MPRIP: variants seen among roughly 807,000 people sequenced by gnomAD.
MPRIP encodes the protein myosin phosphatase Rho-interacting protein.
A neutral mutation model predicts 234.9 loss-of-function variants in MPRIP; 59 were observed. The observed-to-expected ratio is 0.25, with a 90% CI of 0.20 to 0.31. MPRIP has a LOEUF of 0.31. Ranked by LOEUF, MPRIP falls within the 10% of genes least tolerant of loss-of-function variation. The pLI, the probability that MPRIP is intolerant of heterozygous loss-of-function variation, is 1.00. For missense variants in MPRIP, 2,436 were observed against 3,071.0 expected, an observed-to-expected ratio of 0.79 and a Z score of 4.89; for synonymous variants, 1,144 against 1,263.9, an observed-to-expected ratio of 0.91 and a Z score of 2.01.
chr17:17,102,922 C>G (rs969009267), intron 3 of MPRIP, among the ~76,000 whole-genome samples: 5 of 152,234 alleles, frequency 3.3e-5, no homozygotes, highest in Non-Finnish European at 5.9e-5. Flanking sequence ...GGGTGGACCT[C>G]TGTTTGTCCC....
At chr17:17,050,838 C>A (rs568552224) in intron 1 of MPRIP, among the ~76,000 whole-genome samples, 2 of 152,278 alleles carry the variant, frequency 1.3e-5, no homozygotes, top group African/African-American at 2.4e-5. Context: ...CGGTGAGGGC[C>A]GTGGTGGGCA....
intron 23 of MPRIP, among the ~76,000 whole-genome samples, chr17:17,184,162 A>T (rs2046428147): frequency 6.6e-6 from 1 of 152,274 alleles, no homozygotes; most frequent in Non-Finnish European, 1.5e-5. Context: ...GATCTCATTC[A>T]TCTCTGGACA....
At chr17:17,107,023 A>G (rs2090075756) in intron 3 of MPRIP, among the ~76,000 whole-genome samples, 1 of 152,230 alleles carries the variant, frequency 6.6e-6, no homozygotes. Flanking sequence ...GAAGCAGAAA[A>G]TAAGCCAAAG....
At chr17:17,089,774 C>T (rs868606769) in intron 3 of MPRIP, among the ~76,000 whole-genome samples, 3 of 152,150 alleles carry the variant, frequency 2.0e-5, no homozygotes, top group East Asian at 1.9e-4. Context: ...CAGCATCACC[C>T]CACTTCCAGA....
intron 9 of MPRIP, among the ~76,000 whole-genome samples, chr17:17,144,441 G>T (rs940501582): frequency 6.6e-6 from 1 of 152,194 alleles, no homozygotes; most frequent in Admixed American, 6.5e-5. Flanking sequence ...AGCTGGGAGC[G>T]CCTTCCCCAA....
intron 16 of MPRIP, chr17:17,168,929 G>A (rs1305082225): frequency 2.4e-5 from 11 of 456,868 alleles, no homozygotes; most frequent in East Asian, 2.1e-4. Context: ...CCACTGTCTA[G>A]CAGGACACCT....
intron 15 of MPRIP, among the ~76,000 whole-genome samples, chr17:17,161,786 C>T (rs2045876748): frequency 6.6e-6 from 1 of 152,198 alleles, no homozygotes; most frequent in Admixed American, 6.5e-5. Context: ...TTACAACCAA[C>T]AGCAAGTCAG....
chr17:17,054,364 C>T (rs898536393), intron 1 of MPRIP, among the ~76,000 whole-genome samples: 3 of 152,210 alleles, frequency 2.0e-5, no homozygotes, highest in Middle Eastern at 3.2e-3. Flanking sequence ...GTGTGATTAT[C>T]GTAGACTTGA....
In MPRIP at chr17:17,165,307, G is replaced by A; in HGVS notation, c.3716G>A (p.Arg1239Lys). ...CGGAGTACCCCTGAAGAGACAGAAAGGGATGGCACTTTGCTCCCAGGCCAA... is the reference window on the plus strand; with the variant it reads ...CGGAGTACCCCTGAAGAGACAGAAAAGGATGGCACTTTGCTCCCAGGCCAA... The part of the protein sequence containing the change: ...EPRSTPEETE[R>K]DGTLLPGQPV... The change falls in exon 16 of 24, where the codon AGG (arginine) becomes AAG (lysine). Residue 1239 changes from arginine to lysine, a missense_variant. Arg to Lys is a conservative substitution (Grantham distance 26, BLOSUM62 2). Coordinates refer to ENST00000651222, the MANE Select transcript of MPRIP (RefSeq NM_001364716.4). 7.7e-7 allele frequency: 1 copy of A among 1,304,070 alleles called. No homozygotes were observed. The highest frequency in any genetic ancestry group is 1.0e-6 in the Non-Finnish European group (1 of 988,974). The allele number at this position is 1,304,070 out of a possible 1,614,324, so 80.8% of individuals were successfully genotyped here.
chr17:17,062,276 C>G (rs990703589), intron 1 of MPRIP, among the ~76,000 whole-genome samples: 1 of 152,150 alleles, frequency 6.6e-6, no homozygotes, highest in African/African-American at 2.4e-5. Flanking sequence ...ATCAGAAGTC[C>G]TGCGTGCTCG....
intron 1 of MPRIP, among the ~76,000 whole-genome samples, chr17:17,047,306 G>A (rs887283768): frequency 4.6e-5 from 7 of 152,266 alleles, no homozygotes; most frequent in African/African-American, 1.7e-4. Context: ...TGCTTGCCAC[G>A]TATTGCAGGT....
chr17:17,175,257 G>C (rs530610733), intron 19 of MPRIP, 36 bp from the exon 20 acceptor site: 1 of 1,612,246 alleles, frequency 6.2e-7, no homozygotes, highest in South Asian at 1.1e-5. Flanking sequence ...GCCCCAGGCA[G>C]CTCTGGAGTG....
At chr17:17,180,656 G>A (rs199738591) in intron 23 of MPRIP, 27 of 1,613,738 alleles carry the variant, frequency 1.7e-5, no homozygotes, top group East Asian at 1.3e-4. Flanking sequence ...CCCGCTTCCC[G>A]GCCCATGCAG....
intron 3 of MPRIP, among the ~76,000 whole-genome samples, chr17:17,115,774 A>G (rs1567724967): frequency 6.6e-6 from 1 of 151,688 alleles, no homozygotes; most frequent in Non-Finnish European, 1.5e-5. Context: ...CAACTTTACC[A>G]TCTGCTGGTT....
In MPRIP at chr17:17,158,571, C is replaced by T. The variant is rs369010833; in HGVS notation, c.1969C>T (p.Arg657Cys). 11 of 1,610,338 alleles carry T rather than the reference C, an allele frequency of 6.8e-6. No homozygotes were observed. In the Admixed American group the frequency reaches 8.4e-5, roughly 12 times the overall value. Reference protein sequence around the residue: ...SRARERRREGRSKTFDWAEFR... With the variant: ...SRARERRREGCSKTFDWAEFR... ...CGCACGGGAGCGGAGGCGAGAGGGC[C>T]GCTCCAAGACCTTTGACTGGGCTGA... The change falls in exon 14 of 24, where the codon CGC becomes TGC. Residue 657 changes from arginine (R) to cysteine (C), a missense_variant. By Grantham distance (180) the Arg-to-Cys change is radical. Transcript: ENST00000651222.
In MPRIP at chr17:17,171,713, T is replaced by C. The variant is rs1401226204; in HGVS notation, c.6325-5T>C. The C allele has an allele frequency of 1.2e-6, 2 of 1,608,440 alleles. No individual in the cohort carries two copies. The highest frequency in any genetic ancestry group is 1.7e-6 in the Non-Finnish European group (2 of 1,179,052). ...AGTCGATGAAGTCCCTTTTGCATTTTGCAGGCCACGTGCGAGCGAGGGTTT... is the reference window on the plus strand; with the variant it reads ...AGTCGATGAAGTCCCTTTTGCATTTCGCAGGCCACGTGCGAGCGAGGGTTT... On this transcript the variant is annotated splice_region_variant and splice_polypyrimidine_tract_variant and intron_variant, in intron 16 of 23. Transcript: ENST00000651222.
At position 17,166,852 on chromosome 17, in the gene MPRIP, T is replaced by G. The variant is rs1488823572; in HGVS notation, c.5261T>G (p.Leu1754Arg). 5 of 1,304,178 alleles carry G rather than the reference T, an allele frequency of 3.8e-6. No homozygotes were observed. Among genetic ancestry groups the G allele is most frequent in the African/African-American group, 1.5e-5 (1 of 66,000 alleles). The allele number at this position is 1,304,178 out of a possible 1,614,324, so 80.8% of individuals were successfully genotyped here. A position where few individuals can be genotyped will look rare whatever the true frequency, so the allele number is the denominator to read the frequency against. ...SWDLSPLGEVLGRDSDSSQEP... is the reference protein window; with the variant it reads ...SWDLSPLGEVRGRDSDSSQEP... ...GACCTGAGCCCCTTAGGAGAAGTCC[T>G]GGGCCGAGACTCAGACAGCTCTCAG... The change falls in exon 16 of 24, where the codon CTG becomes CGG. Residue 1754 changes from leucine to arginine, a missense_variant. Around this residue, in one of 4 missense-constraint regions of MPRIP, gnomAD observed 1,998 missense variants for 2,520.3 expected, o/e 0.79. Transcript: ENST00000651222. This position sits in a 1 kb window ranked among gnomAD's most constrained non-coding sequence, Gnocchi z 4.4.
chr17:17,132,327 T>C (rs1335555311), intron 5 of MPRIP, among the ~76,000 whole-genome samples: 1 of 152,224 alleles, frequency 6.6e-6, no homozygotes, highest in Non-Finnish European at 1.5e-5. Context: ...GAGGTAACCT[T>C]TTTTGAGCCT....
intron 1 of MPRIP, among the ~76,000 whole-genome samples, chr17:17,051,817 C>G (rs1402679420): frequency 2.0e-5 from 3 of 152,226 alleles, no homozygotes; most frequent in Non-Finnish European, 1.5e-5. Flanking sequence ...CAGGGTCATC[C>G]TAGTTCACAT....
Sources: gnomAD v4.1 joint callset for allele counts (sites outside exome capture counted in the v4.1 genomes callset) on GRCh38, gnomAD v4.1.1 for gene constraint, gnomAD v4.1.1 regional missense constraint, Gnocchi (gnomAD v3.1) non-coding constraint, MANE v1.5 for transcripts, NCBI Gene and HGNC (gene_info 2026-07-23, HGNC 2026-07-21) for gene names.